Variants in HMGB1 observed in about 807,000 individuals in gnomAD.
HMGB1 encodes the protein high mobility group protein B1.
For synonymous variants in HMGB1, 81 were observed against 84.0 expected (o/e 0.96, Z 0.19); for missense variants, 79 against 253.5 (o/e 0.31, Z 4.67).
At position 30,516,982 on chromosome 13, in the gene HMGB1, TA is replaced by T. The variant is rs1361463175; in HGVS notation, c.-14-53289del. Among the ~76,000 whole-genome samples, 472 of 151,964 alleles carry T rather than the reference TA, an allele frequency of 3.1e-3. 2 individuals are homozygous for T. Among genetic ancestry groups the T allele is most frequent in the African/African-American group, 0.011 (458 of 41,478 alleles). On this transcript the variant is annotated intron_variant, in intron 1 of 4. Coordinates refer to the HMGB1 transcript ENST00000405805. ...CTTGTGCTTTTAAATACATAAATGCTAAAAAAAAGTTCCAAGTATATAAAAC... is the reference window on the plus strand; with the variant it reads ...CTTGTGCTTTTAAATACATAAATGCTAAAAAAAGTTCCAAGTATATAAAAC...
intron 1 of HMGB1, among the ~76,000 whole-genome samples, chr13:30,530,601 A>G (rs1888473176): frequency 6.6e-6 from 1 of 152,268 alleles, no homozygotes; most frequent in African/African-American, 2.4e-5. Flanking sequence ...TCTGCTAACA[A>G]TAGTGAAAAT....
intron 1 of HMGB1, among the ~76,000 whole-genome samples, chr13:30,556,077 T>C (rs765545675): frequency 1.3e-5 from 2 of 152,250 alleles, no homozygotes; most frequent in Non-Finnish European, 2.9e-5. Context: ...AAGCAGGAGA[T>C]ACCAGTATGT....
rs896944627 is a variant in HMGB1, at chr13:30,548,741, A to T, written c.-15+67930T>A. 5.6e-4 allele frequency among the ~76,000 whole-genome samples: 86 copies of T among 152,268 alleles called. 1 individual carries two copies. The highest frequency in any genetic ancestry group is 5.6e-3 in the Admixed American group (86 of 15,290). The stretch of plus-strand genomic sequence containing the variant: ...GTTTCTGCCTTGGGGGACGTATAAG[A>T]ATGTCAGAACACCTCTCCATGGTAT... On this transcript the variant is annotated intron_variant, in intron 1 of 4. Transcript: ENST00000405805.
chr13:30,475,172 C>T (rs1342395576), intron 1 of HMGB1, among the ~76,000 whole-genome samples: 5 of 122,128 alleles, frequency 4.1e-5, no homozygotes, highest in Non-Finnish European at 6.5e-5. Flanking sequence ...GACAGGGTCT[C>T]GCCTAGGCTG....
intron 1 of HMGB1, chr13:30,616,552 ACT>A (rs1168329975): frequency 2.6e-5 from 4 of 152,248 alleles, no homozygotes; most frequent in African/African-American, 9.6e-5. Context: ...AGGAGGAAGT[ACT>A]ACTTTCTCCA....
At chr13:30,538,734 CTTTCTTTCTTCTT>C (rs1384730821) in intron 1 of HMGB1, among the ~76,000 whole-genome samples, 1 of 86,846 alleles carries the variant, frequency 1.2e-5, no homozygotes, top group Admixed American at 1.3e-4. Context: ...CTTTCTTTTT[CTTTCTTTCTTCTT>C]TTTCTTTCTT....
At chr13:30,609,298 C>T (rs577117301) in intron 1 of HMGB1, among the ~76,000 whole-genome samples, 1 of 152,072 alleles carries the variant, frequency 6.6e-6, no homozygotes, top group East Asian at 1.9e-4. Flanking sequence ...GGTGAAAGGC[C>T]GTGATCATTG....
intron 1 of HMGB1, among the ~76,000 whole-genome samples, chr13:30,572,359 C>G (rs1294748901): frequency 1.3e-5 from 2 of 152,146 alleles, no homozygotes; most frequent in Non-Finnish European, 2.9e-5. Flanking sequence ...ATTTTGAAGG[C>G]AATTCTAAAT....
rs116472805 is a variant in HMGB1, at chr13:30,541,403, G to A, written c.-15+75268C>T. Among the ~76,000 whole-genome samples the A allele has an allele frequency of 5.9e-3, 901 of 152,328 alleles. 11 individuals carry two copies. Among genetic ancestry groups the A allele is most frequent in the African/African-American group, 0.021 (876 of 41,572 alleles). On this transcript the variant is annotated intron_variant, in intron 1 of 4. Transcript: ENST00000405805. ...TGATAAAACCTAAGATTTCCTGGAA[G>A]TAAGTGGGAAGCCTCTAATCCTACC...
chr13:30,580,774 G>C (rs1288598126), intron 1 of HMGB1, among the ~76,000 whole-genome samples: 1 of 152,150 alleles, frequency 6.6e-6, no homozygotes, highest in African/African-American at 2.4e-5. Context: ...TACATAAAGA[G>C]GCAAGAAAGA....
chr13:30,520,821 G>A (rs1476298945), intron 1 of HMGB1, among the ~76,000 whole-genome samples: 6 of 152,072 alleles, frequency 3.9e-5, no homozygotes, highest in African/African-American at 1.4e-4. Flanking sequence ...CTTGGGGCTG[G>A]GCTCTTTGCT....
At chr13:30,615,001 C>G (rs573087635) in intron 1 of HMGB1, among the ~76,000 whole-genome samples, 16 of 152,046 alleles carry the variant, frequency 1.1e-4, no homozygotes, top group African/African-American at 3.6e-4. Flanking sequence ...TGAGCCACCA[C>G]GCCCGGCCGA....
At chr13:30,485,389 G>T (rs1434988139) in intron 1 of HMGB1, among the ~76,000 whole-genome samples, 2 of 152,158 alleles carry the variant, frequency 1.3e-5, no homozygotes, top group African/African-American at 2.4e-5. Context: ...TTATAACATA[G>T]GAAGGCAACT....
intron 1 of HMGB1, among the ~76,000 whole-genome samples, chr13:30,477,801 T>TG (rs958097293): frequency 6.6e-6 from 1 of 152,186 alleles, no homozygotes; most frequent in African/African-American, 2.4e-5. Context: ...AGTGAGGAGC[T>TG]GGACCGGTTG....
Position 30,461,518 on chromosome 13 carries a change from G to T in HMGB1, c.487C>A (p.Arg163=), listed in dbSNP as rs770349137. ...EKYEKDIAAY[R]AKGKPDAAKK... ...GCTGCATCAGGCTTTCCTTTAGCTC[G>T]ATATGCAGCAATATCCTTCCAAAGC... Residue 163 remains arginine (R), a synonymous_variant, in exon 5 of 5, where the codon CGA becomes AGA. Transcript: ENST00000341423. The T allele has an allele frequency of 1.9e-6, 3 of 1,574,564 alleles. No individual in the cohort carries two copies. In the East Asian group the frequency reaches 6.8e-5, roughly 36 times the overall value.
chr13:30,538,510 C>CTTTCTTTCTTTCCTTT (rs1164550479), intron 1 of HMGB1, among the ~76,000 whole-genome samples: 4 of 82,228 alleles, frequency 4.9e-5, no homozygotes, highest in African/African-American at 3.4e-4. Flanking sequence ...TTCTTTCTTT[C>CTTTCTTTCTTTCCTTT]CTTTCTTTCT....
At chr13:30,613,164 C>G in intron 1 of HMGB1, among the ~76,000 whole-genome samples, 1 of 152,132 alleles carries the variant, frequency 6.6e-6, no homozygotes, top group East Asian at 1.9e-4. Flanking sequence ...CCTGCAGTCT[C>G]TACCTCCCAG....
chr13:30,600,028 T>C (rs1316494703), intron 1 of HMGB1, among the ~76,000 whole-genome samples: 1 of 152,220 alleles, frequency 6.6e-6, no homozygotes, highest in East Asian at 1.9e-4. Context: ...ATCTATAAAT[T>C]ATATACAAAC....
intron 1 of HMGB1, among the ~76,000 whole-genome samples, chr13:30,549,759 C>A (rs2137511504): frequency 6.7e-6 from 1 of 150,096 alleles, no homozygotes; most frequent in African/African-American, 2.4e-5. Flanking sequence ...GCCTGCACGC[C>A]AGGCTGGAAT....
Sources: gnomAD v4.1 joint callset for allele counts (sites outside exome capture counted in the v4.1 genomes callset) on GRCh38, gnomAD v4.1.1 for gene constraint, MANE v1.5 for transcripts, NCBI Gene and HGNC (gene_info 2026-07-23, HGNC 2026-07-21) for gene names.